Variants in ERP44 observed in about 807,000 individuals in gnomAD.
ERP44 encodes the protein endoplasmic reticulum resident protein 44.
Under a neutral mutation model 53.4 loss-of-function variants are expected in ERP44, and 25 were observed. That is an observed-to-expected ratio of 0.47 (90% CI 0.34 to 0.65). The LOEUF (loss-of-function observed/expected upper bound fraction) is 0.65. Ranked by LOEUF, ERP44 falls within the 30% of genes least tolerant of loss-of-function variation. The probability of loss-of-function intolerance (pLI) is 0.01; values close to 1 mark genes in which losing one functional copy is unlikely to be tolerated. For missense variants in ERP44, 338 were observed against 493.2 expected, an observed-to-expected ratio of 0.69 and a Z score of 2.98; for synonymous variants, 145 against 161.2, an observed-to-expected ratio of 0.90 and a Z score of 0.76.
chr9:99,979,342 T>C lies in ERP44; in HGVS notation c.*3270A>G, dbSNP rs1181670354. 6.6e-6 allele frequency: 1 copy of C among 151,972 alleles called. No individual in the cohort carries two copies. The highest frequency in any genetic ancestry group is 1.9e-4 in the East Asian group (1 of 5,196). 9.4% of individuals were successfully genotyped at this position (151,972 alleles called of 1,614,324 possible). ...TTAAAAAAGAAAAAAAAAAAAGCCT[T>C]CTTGACAACCTTAGCATTTTCTATA... is the stretch of plus-strand genomic sequence containing the variant. On this transcript the variant is annotated 3_prime_UTR_variant, in exon 12 of 12. Coordinates refer to ENST00000262455, the MANE Select transcript of ERP44 (RefSeq NM_015051.3).
intron 4 of ERP44, among the ~76,000 whole-genome samples, chr9:100,027,681 G>A (rs1830667200): frequency 6.6e-6 from 1 of 152,056 alleles, no homozygotes; most frequent in South Asian, 2.1e-4. Flanking sequence ...TTCCTTGATG[G>A]GTCCTGCCTG....
Position 100,052,542 on chromosome 9 carries a change from GAGA to G in ERP44, c.171-13_171-11del. On this transcript the variant is annotated splice_polypyrimidine_tract_variant and intron_variant, in intron 3 of 11. Transcript: ENST00000262455. ...CTGACTGAAACGACACCTATACACA[GAGA>G]AGGATGCCAATTAGAAATGAAAAGC... The G allele has an allele frequency of 2.0e-6, 3 of 1,468,682 alleles. No individual in the cohort carries two copies. Among genetic ancestry groups the G allele is most frequent in the Non-Finnish European group, 2.8e-6 (3 of 1,065,746 alleles). 91.0% of individuals were successfully genotyped at this position (1,468,682 alleles called of 1,614,324 possible).
intron 6 of ERP44, 151 bp downstream of exon 6, chr9:100,020,465 A>C (rs1830575818): frequency 5.6e-6 from 3 of 535,566 alleles, no homozygotes; most frequent in African/African-American, 1.9e-5. Context: ...CCTTAAAAAG[A>C]ATTCAGAGAC....
intron 4 of ERP44, among the ~76,000 whole-genome samples, chr9:100,023,858 A>T (rs1476825415): frequency 1.3e-5 from 2 of 152,196 alleles, no homozygotes; most frequent in Non-Finnish European, 2.9e-5. Flanking sequence ...ATGCCTTTTT[A>T]AAAGTTACTA....
intron 4 of ERP44, among the ~76,000 whole-genome samples, chr9:100,034,229 G>A (rs1825826455): frequency 6.6e-6 from 1 of 152,148 alleles, no homozygotes; most frequent in Non-Finnish European, 1.5e-5. Flanking sequence ...AGATGACAAT[G>A]AAAGTGAACT....
chr9:100,049,014 T>C (rs554717180), intron 4 of ERP44, among the ~76,000 whole-genome samples: 3 of 152,182 alleles, frequency 2.0e-5, no homozygotes, highest in Admixed American at 2.0e-4. Context: ...TTTATGTATA[T>C]GTTACAATTT....
At chr9:100,068,650 C>A (rs542959509) in intron 1 of ERP44, among the ~76,000 whole-genome samples, 145 of 146,776 alleles carry the variant, frequency 9.9e-4, no homozygotes, top group Admixed American at 2.4e-3. Flanking sequence ...CCAGCCGCCC[C>A]GTCCGGGAGG....
intron 1 of ERP44, among the ~76,000 whole-genome samples, chr9:100,088,999 T>C (rs1470683645): frequency 6.6e-6 from 1 of 152,204 alleles, no homozygotes; most frequent in Non-Finnish European, 1.5e-5. Context: ...TTAGTCCCCT[T>C]TATCCAACCA....
chr9:100,040,512 A>C (rs1468574616), intron 4 of ERP44, among the ~76,000 whole-genome samples: 7 of 152,178 alleles, frequency 4.6e-5, no homozygotes, highest in African/African-American at 1.7e-4. Context: ...GAAGGAACAT[A>C]TCTCAACTTA....
At chr9:100,083,444 T>A (rs930079411) in intron 1 of ERP44, among the ~76,000 whole-genome samples, 2 of 152,108 alleles carry the variant, frequency 1.3e-5, no homozygotes, top group Admixed American at 1.3e-4. Flanking sequence ...GGGGTTGATA[T>A]CAGCTACAGC....
chr9:100,060,637 C>T (rs1338402292), intron 1 of ERP44, among the ~76,000 whole-genome samples: 2 of 152,112 alleles, frequency 1.3e-5, no homozygotes, highest in African/African-American at 4.8e-5. Context: ...ACCAAAAGCC[C>T]TTCCGGTATA....
intron 10 of ERP44, chr9:99,998,388 G>A: frequency 1.6e-6 from 1 of 624,880 alleles, no homozygotes; most frequent in Non-Finnish European, 2.9e-6. Flanking sequence ...CGAGCTCCCG[G>A]ATCATACAGC....
chr9:100,005,027 T>A (rs1410924188), intron 10 of ERP44, among the ~76,000 whole-genome samples: 1 of 152,230 alleles, frequency 6.6e-6, no homozygotes, highest in African/African-American at 2.4e-5. Context: ...TGGCTCTTCA[T>A]GGTTTTCAGG....
chr9:100,012,069 T>C (rs888625305), intron 8 of ERP44, among the ~76,000 whole-genome samples: 2 of 151,988 alleles, frequency 1.3e-5, no homozygotes, highest in African/African-American at 4.8e-5. Context: ...GAAAAGGAAG[T>C]AGAACCAAAG....
chr9:100,078,229 G>T (rs1826380618), intron 1 of ERP44, among the ~76,000 whole-genome samples: 2 of 151,300 alleles, frequency 1.3e-5, no homozygotes, highest in Admixed American at 1.3e-4. Context: ...AGGCTGAGGA[G>T]GGCAGATCAT....
chr9:100,089,853 G>A (rs1307139251), intron 1 of ERP44, among the ~76,000 whole-genome samples: 1 of 152,026 alleles, frequency 6.6e-6, no homozygotes, highest in Non-Finnish European at 1.5e-5. Context: ...GTATATATAG[G>A]GTTCGGTATA....
intron 4 of ERP44, among the ~76,000 whole-genome samples, chr9:100,026,525 A>G (rs1830654424): frequency 6.6e-6 from 1 of 152,254 alleles, no homozygotes. Flanking sequence ...TGAAAGAAAC[A>G]CAGATTGCCA....
At chr9:100,004,387 T>G in intron 10 of ERP44, among the ~76,000 whole-genome samples, 1 of 152,184 alleles carries the variant, frequency 6.6e-6, no homozygotes. Flanking sequence ...GGTGCTGGAA[T>G]AGGTCCAGAG....
At chr9:100,085,717 T>C (rs1035104292) in intron 1 of ERP44, among the ~76,000 whole-genome samples, 1 of 152,184 alleles carries the variant, frequency 6.6e-6, no homozygotes, top group African/African-American at 2.4e-5. Context: ...CTGGCCAACA[T>C]GGTGAAACCT....
Sources: allele counts gnomAD v4.1 joint callset (sites outside exome capture counted in the v4.1 genomes callset), GRCh38; gene constraint gnomAD v4.1.1; transcripts MANE v1.5; gene names NCBI Gene and HGNC (gene_info 2026-07-23, HGNC 2026-07-21).